EDNRB: variants seen among roughly 807,000 people sequenced by gnomAD.
The protein encoded by EDNRB is endothelin receptor type B.
Under a neutral mutation model 46.4 loss-of-function variants are expected in EDNRB, and 18 were observed. That is an observed-to-expected ratio of 0.39 (90% CI 0.27 to 0.57). The LOEUF is 0.57. Among genes scored for constraint, EDNRB ranks in the 20% least tolerant of loss-of-function variants. The probability of loss-of-function intolerance (pLI) is 0.61; values close to 1 mark genes in which losing one functional copy is unlikely to be tolerated. For synonymous variants in EDNRB, 213 were observed against 204.9 expected, an observed-to-expected ratio of 1.04 and a Z score of -0.34; for missense variants, 434 against 537.5, an observed-to-expected ratio of 0.81 and a Z score of 1.90.
intron 3 of EDNRB, among the ~76,000 whole-genome samples, chr13:77,902,780 A>G (rs970449733): frequency 3.9e-5 from 6 of 151,986 alleles, no homozygotes; most frequent in Non-Finnish European, 5.9e-5. Flanking sequence ...CCATTGTGAG[A>G]CACAACCTTC....
rs1226292159 is a variant in EDNRB at position 77,928,400 on chromosome 13, CAGG to C, written c.-51-9779_-51-9777del. On this transcript the variant is annotated intron_variant, in intron 1 of 7. Transcript: ENST00000646948. ...AATATTTCATTCCCTTTATTTATCA[CAGG>C]GTGGTTTCAGTATTGTTACCAAATA... 2.0e-5 allele frequency among the ~76,000 whole-genome samples: 3 copies of C among 152,194 alleles called. No individual in the cohort carries two copies. The South Asian group carries it at 6.2e-4, about 32-fold the overall frequency.
chr13:77,939,142 TC>T (rs982830305), intron 1 of EDNRB: 1 of 151,758 alleles, frequency 6.6e-6, no homozygotes, highest in African/African-American at 2.4e-5. Context: ...AAAATTACAG[TC>T]AAAGGGGGGT....
chr13:77,937,160 G>A (rs1298483863), intron 1 of EDNRB, among the ~76,000 whole-genome samples: 1 of 152,202 alleles, frequency 6.6e-6, no homozygotes, highest in Non-Finnish European at 1.5e-5. Context: ...ACTGGGCTGG[G>A]TTTTCGTCTT....
chr13:77,949,603 G>A lies in EDNRB; in HGVS notation c.-52+25744C>T, dbSNP rs374955369. 4.6e-5 allele frequency among the ~76,000 whole-genome samples: 7 copies of A among 152,094 alleles called. No individual in the cohort carries two copies. The South Asian group carries it at 8.3e-4, about 18-fold the overall frequency. ...GACACACTGAGTTCTGTGGGAACAC[G>A]GAAACCAAGGTATCTAAGTCCGCTT... On this transcript the variant is annotated intron_variant, in intron 1 of 7. Transcript: ENST00000646948.
chr13:77,962,550 G>A (rs2137686239), intron 1 of EDNRB, among the ~76,000 whole-genome samples: 1 of 152,186 alleles, frequency 6.6e-6, no homozygotes, highest in Non-Finnish European at 1.5e-5. Context: ...TGCAGAAAAG[G>A]CCTTTGACAA....
At chr13:77,961,566 T>C (rs575183337) in intron 1 of EDNRB, among the ~76,000 whole-genome samples, 4 of 152,252 alleles carry the variant, frequency 2.6e-5, no homozygotes, top group African/African-American at 7.2e-5. Context: ...GAAATAAAGA[T>C]GCTCTTTGAA....
At chr13:77,943,456 G>GTCATGTA (rs1288068906) in intron 1 of EDNRB, among the ~76,000 whole-genome samples, 1 of 152,040 alleles carries the variant, frequency 6.6e-6, no homozygotes, top group Non-Finnish European at 1.5e-5. Flanking sequence ...CCTATTAAAT[G>GTCATGTA]TCATGTAGCC....
Position 77,918,437 on chromosome 13 carries a change from A to G in EDNRB, c.137T>C (p.Met46Thr). The G allele has an allele frequency of 6.4e-7, 1 of 1,569,174 alleles. No homozygotes were observed. Among genetic ancestry groups the G allele is most frequent in the Non-Finnish European group, 8.6e-7 (1 of 1,159,368 alleles). ...ATPLLQTAEI[M>T]TPPTKTLWPK... Reference sequence around the variant, plus strand: ...CCATAAGGTCTTAGTGGGTGGCGTCATTATCTCTGCGGTTTGCAAAAGCGG... The same window carrying G: ...CCATAAGGTCTTAGTGGGTGGCGTCGTTATCTCTGCGGTTTGCAAAAGCGG... Residue 46 changes from methionine to threonine, a missense_variant, in exon 1 of 7, where the codon ATG becomes ACG. Coordinates refer to ENST00000646607, the MANE Select transcript of EDNRB (RefSeq NM_001122659.3). The surrounding 1 kb of genome is among the most constrained non-coding windows in gnomAD (Gnocchi z 4.5).
intron 1 of EDNRB, among the ~76,000 whole-genome samples, chr13:77,937,329 A>G (rs1422496859): frequency 1.3e-5 from 2 of 152,164 alleles, no homozygotes; most frequent in Non-Finnish European, 2.9e-5. Context: ...AACTGCTCTA[A>G]TGCCTTCCTG....
chr13:77,915,310 G>A (rs979393041), intron 1 of EDNRB, among the ~76,000 whole-genome samples: 1 of 152,160 alleles, frequency 6.6e-6, no homozygotes, highest in African/African-American at 2.4e-5. Context: ...CCGAAATCCT[G>A]ACTCAAATTA....
chr13:77,966,026 G>T (rs758355268), intron 1 of EDNRB, among the ~76,000 whole-genome samples: 13 of 152,012 alleles, frequency 8.6e-5, no homozygotes, highest in Non-Finnish European at 1.6e-4. Context: ...GCAGGTGTGT[G>T]TCACCATGCC....
chr13:77,925,550 G>A (rs1413652931), intron 1 of EDNRB, among the ~76,000 whole-genome samples: 1 of 152,238 alleles, frequency 6.6e-6, no homozygotes, highest in Non-Finnish European at 1.5e-5. Flanking sequence ...CTTCCATGTG[G>A]TATTGAGCCT....
In EDNRB at chr13:77,896,784, T is replaced by C; in HGVS notation, c.*1416A>G. 2 of 1,301,086 alleles carry C rather than the reference T, an allele frequency of 1.5e-6. No individual in the cohort carries two copies. 80.6% of individuals were successfully genotyped at this position (1,301,086 alleles called of 1,614,324 possible). A position where few individuals can be genotyped will look rare whatever the true frequency, so the allele number is the denominator to read the frequency against. ...CCAACCCCACCTCATTTCCTCTCTC[T>C]TCCGTTTTCTCTTGTACATACTTTC... On this transcript the variant is annotated 3_prime_UTR_variant, in exon 7 of 7. Coordinates refer to ENST00000646607, the MANE Select transcript of EDNRB (RefSeq NM_001122659.3).
At position 77,897,067 on chromosome 13, in the gene EDNRB, T is replaced by C. The variant is rs1651365159; in HGVS notation, c.*1133A>G. 1 of 986,232 alleles carries C rather than the reference T, an allele frequency of 1.0e-6. No homozygotes were observed. The highest frequency in any genetic ancestry group is 1.2e-6 in the Non-Finnish European group (1 of 830,684). 61.1% of individuals were successfully genotyped at this position (986,232 alleles called of 1,614,324 possible). ...GAAAAATAGTATTTTAACTATAGCATTATACATATGCTAGAAACCATTTTA... is the reference window on the plus strand; with the variant it reads ...GAAAAATAGTATTTTAACTATAGCACTATACATATGCTAGAAACCATTTTA... On this transcript the variant is annotated 3_prime_UTR_variant, in exon 7 of 7. Coordinates refer to ENST00000646607, the MANE Select transcript of EDNRB (RefSeq NM_001122659.3).
At chr13:77,900,372 A>T in intron 5 of EDNRB, 149 bp downstream of exon 5, 1 of 1,097,566 alleles carries the variant, frequency 9.1e-7, no homozygotes, top group Non-Finnish European at 1.3e-6. Flanking sequence ...TGTCCCTCTC[A>T]ACAGGACCTC....
upstream of EDNRB, among the ~76,000 whole-genome samples, chr13:77,924,613 A>G (rs529615215): frequency 1.4e-4 from 21 of 152,294 alleles, no homozygotes; most frequent in African/African-American, 4.8e-4. Context: ...AAATACATCT[A>G]TATTGTTATG....
At chr13:77,949,331 A>G (rs757447128) in intron 1 of EDNRB, among the ~76,000 whole-genome samples, 4 of 152,186 alleles carry the variant, frequency 2.6e-5, no homozygotes, top group Non-Finnish European at 4.4e-5. Context: ...GAATGGATAG[A>G]GCTTGGTACT....
intron 1 of EDNRB, among the ~76,000 whole-genome samples, chr13:77,914,944 C>T (rs1315623551): frequency 1.3e-5 from 2 of 152,046 alleles, no homozygotes; most frequent in Admixed American, 6.6e-5. Context: ...CTTAGTGTGC[C>T]AACAAGAGAG....
intron 1 of EDNRB, among the ~76,000 whole-genome samples, chr13:77,962,917 A>T (rs2137686700): frequency 6.6e-6 from 1 of 152,360 alleles, no homozygotes; most frequent in Non-Finnish European, 1.5e-5. Context: ...AAACAACTTC[A>T]GCAAAGTCTC....
Sources: gnomAD v4.1 joint callset for allele counts (sites outside exome capture counted in the v4.1 genomes callset) on GRCh38, gnomAD v4.1.1 for gene constraint, Gnocchi (gnomAD v3.1) non-coding constraint, MANE v1.5 for transcripts, NCBI Gene and HGNC (gene_info 2026-07-23, HGNC 2026-07-21) for gene names.